MCFD2: variants seen among roughly 807,000 people sequenced by gnomAD.
MCFD2 encodes multiple coagulation factor deficiency protein 2.
In MCFD2, 11 loss-of-function variants were observed where a neutral mutation model predicts 12.8. The observed-to-expected ratio is 0.86, with a 90% confidence interval of 0.54 to 1.42. The LOEUF (loss-of-function observed/expected upper bound fraction) is 1.42, where lower values mean the gene tolerates loss of function less well. Among genes scored for constraint, MCFD2 ranks in the 40% most tolerant of loss-of-function variants. The pLI, the probability that MCFD2 is intolerant of heterozygous loss-of-function variation, is 0.00. For synonymous variants in MCFD2, 70 were observed against 68.1 expected (o/e 1.03, Z -0.14); for missense variants, 191 against 178.6 (o/e 1.07, Z -0.40).
chr2:46,917,771 T>C (rs756810888), upstream of MCFD2, among the ~76,000 whole-genome samples: 4 of 152,226 alleles, frequency 2.6e-5, no homozygotes, highest in Non-Finnish European at 4.4e-5. Flanking sequence ...TGATCTCTTG[T>C]TTTTATTTTA....
intron 1 of MCFD2, among the ~76,000 whole-genome samples, chr2:46,921,030 C>G (rs184147312): frequency 2.0e-5 from 3 of 151,378 alleles, no homozygotes; most frequent in South Asian, 4.2e-4. Context: ...CTCAGCCTGA[C>G]AGGGCATCTG....
In MCFD2 at chr2:46,905,562, T is replaced by G. The variant is rs141584198; in HGVS notation, c.342A>C (p.Glu114Asp). ...CATCTATTATGTTAATCAGTTCATCTTCACTCATTAGTGGTGCCTGTTCAC... is the reference window on the plus strand; with the variant it reads ...CATCTATTATGTTAATCAGTTCATCGTCACTCATTAGTGGTGCCTGTTCAC... ...EGSEQAPLMS[E>D]DELINIIDGV... is the part of the protein sequence containing the mutation. Residue 114 changes from glutamate (E) to aspartate (D), a missense_variant, in exon 4 of 4, where the codon GAA (glutamate) becomes GAC (aspartate). Coordinates refer to ENST00000319466, the MANE Select transcript of MCFD2 (RefSeq NM_139279.6). 3.3e-5 allele frequency: 53 copies of G among 1,613,460 alleles called. No individual in the cohort carries two copies. Among genetic ancestry groups the G allele is most frequent in the Middle Eastern group, 1.6e-4 (1 of 6,074 alleles).
At chr2:46,914,519 G>A (rs1057352004) in intron 1 of MCFD2, among the ~76,000 whole-genome samples, 19 of 152,172 alleles carry the variant, frequency 1.2e-4, no homozygotes, top group Admixed American at 7.9e-4. Flanking sequence ...GAAAAAGCAG[G>A]CATTTAATAT....
chr2:46,912,883 T>C (rs150778520), intron 1 of MCFD2, among the ~76,000 whole-genome samples: 131 of 152,322 alleles, frequency 8.6e-4, no homozygotes, highest in African/African-American at 2.9e-3. Flanking sequence ...TTTGCAGATA[T>C]GCTGCCAATT....
rs971294361 is a variant in MCFD2 at position 46,937,543 on chromosome 2, A to T, written c.-8+4029T>A. Among the ~76,000 whole-genome samples, 2 of 152,232 alleles carry T rather than the reference A, an allele frequency of 1.3e-5. No homozygotes were observed. Among genetic ancestry groups the T allele is most frequent in the African/African-American group, 4.8e-5 (2 of 41,468 alleles). On this transcript the variant is annotated intron_variant, in intron 1 of 2. Transcript: ENST00000409147. This position sits in a 1 kb window ranked among gnomAD's most constrained non-coding sequence, Gnocchi z 4.0. ...TATAGCAATTCATTTATATGCCAGT[A>T]GGGGCCTCAGAAGCAAAACATTGGA...
At position 46,903,790 on chromosome 2, in the gene MCFD2, A is replaced by G. The variant is rs1264063969; in HGVS notation, c.*1673T>C. ...AAAGGCATTCCCTTATAAATAAGGG[A>G]AGCAAAGCATAAAAGTTTGGAAATT... On this transcript the variant is annotated 3_prime_UTR_variant, in exon 4 of 4. Coordinates refer to ENST00000319466, the MANE Select transcript of MCFD2 (RefSeq NM_139279.6). 1 of 152,200 alleles carries G rather than the reference A, an allele frequency of 6.6e-6. No homozygotes were observed. The highest frequency in any genetic ancestry group is 1.5e-5 in the Non-Finnish European group (1 of 68,038). 9.4% of individuals were successfully genotyped at this position (152,200 alleles called of 1,614,324 possible).
intron 3 of MCFD2, 26 bp from the exon 4 acceptor site, chr2:46,905,620 T>A (rs139928812): frequency 3.1e-6 from 5 of 1,611,304 alleles, no homozygotes; most frequent in Admixed American, 1.7e-5. Flanking sequence ...TAGACAATGA[T>A]GAGTTGCGCA....
intron 1 of MCFD2, among the ~76,000 whole-genome samples, chr2:46,927,426 G>A (rs1416282868): frequency 6.8e-6 from 1 of 148,128 alleles, no homozygotes; most frequent in East Asian, 2.0e-4. Context: ...GCGTGATCTC[G>A]GCTCACTGCA....
At chr2:46,915,907 T>A (rs1047038557), upstream of MCFD2, 1 of 983,606 alleles carries the variant, frequency 1.0e-6, no homozygotes, top group African/African-American at 1.8e-5. Context: ...CGGCGGGCTG[T>A]GAGGACGGCT....
chr2:46,913,454 G>A (rs1342884460), intron 1 of MCFD2, among the ~76,000 whole-genome samples: 1 of 152,126 alleles, frequency 6.6e-6, no homozygotes, highest in Non-Finnish European at 1.5e-5. Flanking sequence ...ATAGAAAACA[G>A]GGAATCTAAC....
chr2:46,921,512 C>A (rs1237161142), intron 1 of MCFD2, among the ~76,000 whole-genome samples: 1 of 152,190 alleles, frequency 6.6e-6, no homozygotes, highest in Non-Finnish European at 1.5e-5. Context: ...GTGCTCTAGT[C>A]CTGCAATAGT....
At chr2:46,930,724 T>C (rs916188135) in intron 1 of MCFD2, among the ~76,000 whole-genome samples, 9 of 152,074 alleles carry the variant, frequency 5.9e-5, no homozygotes, top group African/African-American at 2.2e-4. Context: ...GGTCTCGAAC[T>C]CCTGACCTCA....
Position 46,907,063 on chromosome 2 carries a change from A to C in MCFD2, c.309+747T>G, listed in dbSNP as rs1668270479. On this transcript the variant is annotated intron_variant, in intron 3 of 3. Coordinates refer to ENST00000319466, the MANE Select transcript of MCFD2 (RefSeq NM_139279.6). The surrounding 1 kb of genome is among the most constrained non-coding windows in gnomAD (Gnocchi z 4.1). ...GTTGCAAAGATCCAACGAGATCTCTAACCTACTTGAAAGGGCTTCAGAAAC... is the reference window on the plus strand; with the variant it reads ...GTTGCAAAGATCCAACGAGATCTCTCACCTACTTGAAAGGGCTTCAGAAAC... 1 of 152,790 alleles carries C rather than the reference A, an allele frequency of 6.5e-6. No homozygotes were observed. The highest frequency in any genetic ancestry group is 1.5e-5 in the Non-Finnish European group (1 of 68,512). The allele number at this position is 152,790 out of a possible 1,614,324, so 9.5% of individuals were successfully genotyped here.
chr2:46,910,751 C>T (rs1008351666), intron 1 of MCFD2: 1 of 152,134 alleles, frequency 6.6e-6, no homozygotes, highest in Non-Finnish European at 1.5e-5. Flanking sequence ...GTCTAACTTC[C>T]AGGATAGGCC....
At chr2:46,919,664 C>CT (rs1668996840), upstream of MCFD2, among the ~76,000 whole-genome samples, 1 of 152,230 alleles carries the variant, frequency 6.6e-6, no homozygotes, top group Non-Finnish European at 1.5e-5. Flanking sequence ...CAGTCTCTTG[C>CT]TGTTGGGCCC....
upstream of MCFD2, chr2:46,916,205 A>G (rs533947347): frequency 2.4e-5 from 23 of 972,648 alleles, no homozygotes; most frequent in East Asian, 9.2e-4. Context: ...TCCTGCTGCA[A>G]GTTGGGAAGA....
rs1313662082 is a variant in MCFD2 at position 46,913,271 on chromosome 2, G to C, written c.-7+2452C>G. 4.6e-5 allele frequency among the ~76,000 whole-genome samples: 7 copies of C among 152,174 alleles called. No individual in the cohort carries two copies. In the South Asian group the frequency reaches 1.5e-3, roughly 32 times the overall value. ...ACACTGAAAACAGGGAATCGGGCTG[G>C]GCATGGTGGCTTATGCCTGTAATCT... On this transcript the variant is annotated intron_variant, in intron 1 of 3. Coordinates refer to ENST00000319466, the MANE Select transcript of MCFD2 (RefSeq NM_139279.6).
chr2:46,930,546 CT>C (rs1572649285), intron 1 of MCFD2, among the ~76,000 whole-genome samples: 1 of 146,184 alleles, frequency 6.8e-6, no homozygotes, highest in East Asian at 2.0e-4. Context: ...GTACCCCAGG[CT>C]GGAATGCAGT....
upstream of MCFD2, among the ~76,000 whole-genome samples, chr2:46,919,361 C>A (rs1026133888): frequency 6.6e-6 from 1 of 152,164 alleles, no homozygotes; most frequent in Admixed American, 6.6e-5. Context: ...TGGTGAAACC[C>A]TGTCTCTACT....
Sources: gnomAD v4.1 joint callset for allele counts (sites outside exome capture counted in the v4.1 genomes callset) on GRCh38, gnomAD v4.1.1 for gene constraint, Gnocchi (gnomAD v3.1) non-coding constraint, MANE v1.5 for transcripts, NCBI Gene and HGNC (gene_info 2026-07-23, HGNC 2026-07-21) for gene names.